MYZAP: variants seen among roughly 807,000 people sequenced by gnomAD.
MYZAP encodes myocardial zonula adherens protein, also known as GRINL1A complex locus upstream.
A neutral mutation model predicts 69.4 loss-of-function variants in MYZAP; 66 were observed. The observed-to-expected ratio is 0.95, with a 90% CI of 0.78 to 1.17. The LOEUF (loss-of-function observed/expected upper bound fraction) is 1.17, where lower values mean the gene tolerates loss of function less well. Ranked by LOEUF, MYZAP falls within the 50% of genes most tolerant of loss-of-function variation. The pLI, the probability that MYZAP is intolerant of heterozygous loss-of-function variation, is 0.00. For synonymous variants in MYZAP, 256 were observed against 205.9 expected (o/e 1.24, Z -2.09); for missense variants, 611 against 556.2 (o/e 1.10, Z -0.99).
At position 57,612,734 on chromosome 15, in the gene MYZAP, A is replaced by G. The variant is rs570233095; in HGVS notation, c.163-5299A>G. On this transcript the variant is annotated intron_variant, in intron 2 of 12. Coordinates refer to ENST00000267853, the MANE Select transcript of MYZAP (RefSeq NM_001018100.5). ...TTTTCTGTAGCTGCTCTTTCTTTCT[A>G]AGGCACTGGCTGCCAGATGTATCTT... Among the ~76,000 whole-genome samples the G allele has an allele frequency of 2.6e-5, 4 of 152,214 alleles. No homozygotes were observed. In the East Asian group the frequency reaches 7.7e-4, roughly 29 times the overall value.
chr15:57,647,930 C>T (rs1350909244), intron 10 of MYZAP: 21 of 985,246 alleles, frequency 2.1e-5, no homozygotes, highest in South Asian at 4.7e-5. Flanking sequence ...GTGCTGAAAT[C>T]CTGCCCCGCC....
At chr15:57,677,300 A>C (rs2039191739) in intron 12 of MYZAP, among the ~76,000 whole-genome samples, 1 of 152,212 alleles carries the variant, frequency 6.6e-6, no homozygotes, top group Non-Finnish European at 1.5e-5. Flanking sequence ...TCCAAGTAAG[A>C]TTCTGTTTGA....
chr15:57,656,207 A>G (rs1271553585), intron 10 of MYZAP, among the ~76,000 whole-genome samples: 1 of 152,190 alleles, frequency 6.6e-6, no homozygotes. Flanking sequence ...TCTTGGCCCA[A>G]CTGGGCCTCC....
intron 1 of MYZAP, among the ~76,000 whole-genome samples, chr15:57,597,558 A>G (rs2034142571): frequency 6.6e-6 from 1 of 152,170 alleles, no homozygotes; most frequent in Non-Finnish European, 1.5e-5. Flanking sequence ...TCCAAGTCAC[A>G]CTGGCATCTT....
intron 10 of MYZAP, among the ~76,000 whole-genome samples, chr15:57,657,528 T>C (rs2038066768): frequency 6.6e-6 from 1 of 152,162 alleles, no homozygotes; most frequent in Non-Finnish European, 1.5e-5. Flanking sequence ...TTGTAAACTT[T>C]CCATTTTGCA....
intron 10 of MYZAP, among the ~76,000 whole-genome samples, chr15:57,653,764 G>A (rs1242553587): frequency 1.3e-5 from 2 of 151,912 alleles, no homozygotes; most frequent in East Asian, 3.9e-4. Context: ...CAGCACTTCG[G>A]GAGGCTGAGG....
intron 12 of MYZAP, among the ~76,000 whole-genome samples, chr15:57,678,098 C>T (rs1013903207): frequency 6.6e-6 from 1 of 151,178 alleles, no homozygotes; most frequent in Non-Finnish European, 1.5e-5. Context: ...CATGGTGGCT[C>T]ATACCTGTAA....
chr15:57,647,966 C>T (rs2037529788), intron 10 of MYZAP: 5 of 985,270 alleles, frequency 5.1e-6, no homozygotes, highest in Non-Finnish European at 3.6e-6. Context: ...TAACTGGATC[C>T]TTAGCCTTGG....
intron 2 of MYZAP, among the ~76,000 whole-genome samples, chr15:57,615,512 A>C (rs2035377811): frequency 6.6e-6 from 1 of 152,164 alleles, no homozygotes; most frequent in Non-Finnish European, 1.5e-5. Context: ...GTTTTCCTGC[A>C]AGCCAGTCCA....
intron 10 of MYZAP, among the ~76,000 whole-genome samples, chr15:57,658,623 T>G (rs767437709): frequency 6.6e-6 from 1 of 152,212 alleles, no homozygotes; most frequent in Non-Finnish European, 1.5e-5. Flanking sequence ...AGAAGCTTGA[T>G]TAGATCAAGT....
chr15:57,602,545 C>T lies in MYZAP; in HGVS notation c.76-1724C>T, dbSNP rs566183109. Among the ~76,000 whole-genome samples the T allele has an allele frequency of 3.9e-5, 6 of 152,318 alleles. No individual in the cohort carries two copies. The South Asian group carries it at 1.2e-3, about 32-fold the overall frequency. ...CCCTTTCTTCAAATAAGGTCACATT[C>T]TGAGATGCCAGGAAGGCGGTCAGGA... On this transcript the variant is annotated intron_variant, in intron 1 of 12. Coordinates refer to ENST00000267853, the MANE Select transcript of MYZAP (RefSeq NM_001018100.5).
chr15:57,663,347 T>A (rs2038405244), intron 11 of MYZAP, among the ~76,000 whole-genome samples: 1 of 152,190 alleles, frequency 6.6e-6, no homozygotes, highest in Non-Finnish European at 1.5e-5. Flanking sequence ...AACTCATGTC[T>A]CACCTTAGTT....
intron 3 of MYZAP, among the ~76,000 whole-genome samples, chr15:57,619,484 C>G (rs1450621049): frequency 2.0e-5 from 3 of 152,118 alleles, no homozygotes; most frequent in Admixed American, 6.5e-5. Context: ...CTCAAGTGAT[C>G]CTCCTGCCTC....
intron 11 of MYZAP, among the ~76,000 whole-genome samples, chr15:57,667,824 A>G (rs2038658217): frequency 6.6e-6 from 1 of 152,210 alleles, no homozygotes; most frequent in African/African-American, 2.4e-5. Flanking sequence ...GAGTTTTGAC[A>G]GTGTTTATAC....
chr15:57,616,302 G>A (rs1301941420), intron 2 of MYZAP, among the ~76,000 whole-genome samples: 1 of 152,192 alleles, frequency 6.6e-6, no homozygotes, highest in African/African-American at 2.4e-5. Flanking sequence ...ATCACTTGAG[G>A]TCAGGAATTT....
At chr15:57,599,503 G>T in intron 1 of MYZAP, 1 of 1,208,688 alleles carries the variant, frequency 8.3e-7, no homozygotes, top group Non-Finnish European at 1.1e-6. Flanking sequence ...GGGACAGCTG[G>T]TTCGGTAGCA....
At chr15:57,599,688 CGTAAAAT>C (rs1280256044) in intron 1 of MYZAP, 125 of 1,289,124 alleles carry the variant, frequency 9.7e-5, no homozygotes, top group Non-Finnish European at 1.2e-4. Flanking sequence ...AGATCAGCCT[CGTAAAAT>C]GCTCGGAGGT....
At chr15:57,679,755 A>G (rs549869997) in intron 12 of MYZAP, among the ~76,000 whole-genome samples, 29 of 152,260 alleles carry the variant, frequency 1.9e-4, no homozygotes, top group African/African-American at 5.5e-4. Context: ...CAAGTCTCAC[A>G]GCTTCACCTC....
chr15:57,628,716 G>A (rs1344871204), intron 5 of MYZAP, among the ~76,000 whole-genome samples: 4 of 152,138 alleles, frequency 2.6e-5, no homozygotes, highest in African/African-American at 7.2e-5. Flanking sequence ...ATGTTTGCAG[G>A]TATGTGAGTA....
Sources: allele counts gnomAD v4.1 joint callset (sites outside exome capture counted in the v4.1 genomes callset), GRCh38; gene constraint gnomAD v4.1.1; transcripts MANE v1.5; gene names NCBI Gene and HGNC (gene_info 2026-07-23, HGNC 2026-07-21).